UPRT: variants seen among roughly 807,000 people sequenced by gnomAD.
UPRT encodes the protein RP11-311P8.3.
A neutral mutation model predicts 22.6 loss-of-function variants in UPRT; 5 were observed. That is an observed-to-expected ratio of 0.22 (90% CI 0.12 to 0.47). The LOEUF (loss-of-function observed/expected upper bound fraction) is 0.47. Ranked by LOEUF, UPRT falls within the 20% of genes least tolerant of loss-of-function variation. The pLI is 0.99. For synonymous variants in UPRT, 77 were observed against 87.7 expected (o/e 0.88, Z 0.68); for missense variants, 181 against 239.9 (o/e 0.75, Z 1.62).
upstream of UPRT, among the ~76,000 whole-genome samples, chrX:75,269,230 A>T (rs1432450957): frequency 8.9e-6 from 1 of 111,974 alleles, no homozygotes; most frequent in Non-Finnish European, 1.9e-5. Context: ...GGCGAACTAG[A>T]AACCACTGCT....
intron 4 of UPRT, among the ~76,000 whole-genome samples, chrX:75,238,595 G>A (rs1376819432): frequency 9.0e-6 from 1 of 111,248 alleles, no homozygotes; most frequent in Non-Finnish European, 1.9e-5. Flanking sequence ...AGAAACAATG[G>A]ACTTAAAAGA....
intron 3 of UPRT, among the ~76,000 whole-genome samples, chrX:75,163,999 G>A (rs192802015): frequency 4.5e-5 from 5 of 110,883 alleles, no homozygotes; most frequent in Admixed American, 2.9e-4. Context: ...CCAACATGGC[G>A]AAACCCCATC....
At chrX:75,205,757 C>G (rs2082364140) in intron 4 of UPRT, among the ~76,000 whole-genome samples, 1 of 111,735 alleles carries the variant, frequency 8.9e-6, no homozygotes, top group Non-Finnish European at 1.9e-5. Flanking sequence ...GACTTTTAGA[C>G]TGGGGCAAGT....
chrX:75,267,961 A>T (rs977517220), intron 4 of UPRT, among the ~76,000 whole-genome samples: 3 of 111,733 alleles, frequency 2.7e-5, no homozygotes, highest in Non-Finnish European at 3.8e-5. Context: ...AAAAAAATCA[A>T]TGAATCCAGG....
In UPRT at chrX:75,274,186, T is replaced by C; in HGVS notation, c.-69T>C. The C allele has an allele frequency of 2.6e-6, 3 of 1,145,707 alleles. No individual in the cohort carries two copies. Among genetic ancestry groups the C allele is most frequent in the Non-Finnish European group, 3.5e-6 (3 of 861,704 alleles). The allele number at this position is 1,145,707 out of a possible 1,213,427, so 94.4% of individuals were successfully genotyped here. A position where few individuals can be genotyped will look rare whatever the true frequency, so the allele number is the denominator to read the frequency against. On this transcript the variant is annotated 5_prime_UTR_variant, in exon 1 of 7. Coordinates refer to ENST00000373383, the MANE Select transcript of UPRT (RefSeq NM_145052.4). ...GCAACCGAGAGAGCACGTGAGCATC[T>C]GTCCTTTCTACCCGTTCCTCTTTAT...
At chrX:75,159,267 C>T (rs1237990014) in intron 1 of UPRT, among the ~76,000 whole-genome samples, 1 of 112,086 alleles carries the variant, frequency 8.9e-6, no homozygotes, top group Non-Finnish European at 1.9e-5. Context: ...CCTTCAGTTC[C>T]ATCAATGTTG....
intron 4 of UPRT, among the ~76,000 whole-genome samples, chrX:75,216,438 A>C (rs963987373): frequency 8.9e-5 from 10 of 112,661 alleles, no homozygotes; most frequent in Non-Finnish European, 1.9e-4. Context: ...TTTCCCTGTA[A>C]GATCAGGAAC....
chrX:75,181,407 G>T (rs954793090), intron 4 of UPRT, among the ~76,000 whole-genome samples: 6 of 111,523 alleles, frequency 5.4e-5, no homozygotes, highest in Non-Finnish European at 7.5e-5. Flanking sequence ...TAGTTTGATA[G>T]TAATAGCTTT....
At chrX:75,261,472 A>G (rs1403026022) in intron 4 of UPRT, among the ~76,000 whole-genome samples, 1 of 112,006 alleles carries the variant, frequency 8.9e-6, no homozygotes, top group Non-Finnish European at 1.9e-5. Flanking sequence ...AACCAGGAAG[A>G]AGTTGAATCT....
intron 2 of UPRT, chrX:75,294,719 C>T (rs2082719944): frequency 1.9e-6 from 1 of 518,034 alleles, no homozygotes; most frequent in Non-Finnish European, 2.6e-6. Context: ...ATGTGGTTGA[C>T]ATTCCTGGAG....
intron 1 of UPRT, among the ~76,000 whole-genome samples, chrX:75,284,419 G>A (rs1443955063): frequency 2.7e-5 from 3 of 111,500 alleles, no homozygotes; most frequent in African/African-American, 9.8e-5. Flanking sequence ...TTCTCATTTG[G>A]GTATGCTCTG....
At chrX:75,252,958 C>G (rs971973211) in intron 4 of UPRT, among the ~76,000 whole-genome samples, 7 of 111,091 alleles carry the variant, frequency 6.3e-5, no homozygotes, top group Admixed American at 1.9e-4. Flanking sequence ...AACGAAACAC[C>G]ACATGTTGTC....
chrX:75,209,657 G>GCTA (rs1445646426), intron 4 of UPRT, among the ~76,000 whole-genome samples: 17 of 112,594 alleles, frequency 1.5e-4, no homozygotes, highest in African/African-American at 5.2e-4. Flanking sequence ...ACAGGCATGA[G>GCTA]CTACTGTTCC....
At chrX:75,238,852 T>G (rs2082478766) in intron 4 of UPRT, among the ~76,000 whole-genome samples, 1 of 111,580 alleles carries the variant, frequency 9.0e-6, no homozygotes, top group South Asian at 3.7e-4. Flanking sequence ...TAAATAATCT[T>G]CTGAATGATC....
chrX:75,272,320 A>ATATATG (rs3073136), upstream of UPRT, among the ~76,000 whole-genome samples: 2 of 7,070 alleles, frequency 2.8e-4, no homozygotes, highest in African/African-American at 3.2e-4. Context: ...GTGTATATAT[A>ATATATG]CATATATATG....
chrX:75,184,720 A>C (rs1431950200), intron 4 of UPRT, among the ~76,000 whole-genome samples: 43 of 109,031 alleles, frequency 3.9e-4, no homozygotes, highest in South Asian at 1.6e-3. Context: ...GTTTGTAGTT[A>C]TCCTTGAAGA....
At chrX:75,249,507 T>C (rs1014416015) in intron 4 of UPRT, among the ~76,000 whole-genome samples, 2 of 111,736 alleles carry the variant, frequency 1.8e-5, no homozygotes, top group African/African-American at 3.3e-5. Flanking sequence ...CAAGAAGAGC[T>C]GACAATCCTA....
At chrX:75,180,705 T>TTG (rs1569260042) in intron 4 of UPRT, among the ~76,000 whole-genome samples, 1 of 95,460 alleles carries the variant, frequency 1.0e-5, no homozygotes, top group African/African-American at 3.8e-5. Flanking sequence ...GTTTTTTTTT[T>TTG]TTTTTTTTTT....
At position 75,303,578 on chromosome X, in the gene UPRT, C is replaced by A; in HGVS notation, c.*67C>A. Reference sequence around the variant, plus strand: ...ATGTTTTGATTTTCTATTTGTTTTACTGATTCACTTGAGGGTGGCAGAGAA... The same window carrying A: ...ATGTTTTGATTTTCTATTTGTTTTAATGATTCACTTGAGGGTGGCAGAGAA... On this transcript the variant is annotated 3_prime_UTR_variant, in exon 7 of 7. Coordinates refer to ENST00000373383, the MANE Select transcript of UPRT (RefSeq NM_145052.4). The A allele has an allele frequency of 1.1e-6, 1 of 925,050 alleles. No homozygotes were observed. Among genetic ancestry groups the A allele is most frequent in the Non-Finnish European group, 1.5e-6 (1 of 671,167 alleles). The allele number at this position is 925,050 out of a possible 1,213,427, so 76.2% of individuals were successfully genotyped here. A position where few individuals can be genotyped will look rare whatever the true frequency, so the allele number is the denominator to read the frequency against.
Sources: gnomAD v4.1 joint callset for allele counts (sites outside exome capture counted in the v4.1 genomes callset) on GRCh38, gnomAD v4.1.1 for gene constraint, MANE v1.5 for transcripts, NCBI Gene and HGNC (gene_info 2026-07-23, HGNC 2026-07-21) for gene names.